Variants in FAM135B observed in about 807,000 individuals in gnomAD.
FAM135B encodes family with sequence similarity 135 member B.
Under a neutral mutation model 127.7 loss-of-function variants are expected in FAM135B, and 43 were observed. That is an observed-to-expected ratio of 0.34 (90% CI 0.26 to 0.43). The LOEUF (loss-of-function observed/expected upper bound fraction) is 0.43. Ranked by LOEUF, FAM135B falls within the 20% of genes least tolerant of loss-of-function variation. The probability of loss-of-function intolerance (pLI) is 1.00; values close to 1 mark genes in which losing one functional copy is unlikely to be tolerated. For synonymous variants in FAM135B, 670 were observed against 665.1 expected (o/e 1.01, Z -0.11); for missense variants, 1,558 against 1,725.6 (o/e 0.90, Z 1.72).
intron 1 of FAM135B, chr8:138,477,409 G>A (rs541028505): frequency 2.6e-5 from 4 of 152,136 alleles, no homozygotes; most frequent in African/African-American, 9.6e-5. Context: ...CCCTACACTG[G>A]GTGAAGAGCT....
At position 138,491,138 on chromosome 8, in the gene FAM135B, C is replaced by T. The variant is rs540029775; in HGVS notation, c.-20+5533G>A. On this transcript the variant is annotated intron_variant, in intron 1 of 19. Coordinates refer to ENST00000395297, the MANE Select transcript of FAM135B (RefSeq NM_015912.4). ...GCCTAGGCAACAAGAGCGAAACTCT[C>T]TCTCAAAAAAAAAAAAAAAAAGAAA... Among the ~76,000 whole-genome samples the T allele has an allele frequency of 1.7e-3, 220 of 129,232 alleles. 2 individuals are homozygous for T. The highest frequency in any genetic ancestry group is 3.2e-3 in the Non-Finnish European group (200 of 63,378). 84.8% of individuals were successfully genotyped at this position (129,232 alleles called of 152,430 possible). A position where few individuals can be genotyped will look rare whatever the true frequency, so the allele number is the denominator to read the frequency against.
At chr8:138,149,868 C>T (rs889265253) in intron 13 of FAM135B, among the ~76,000 whole-genome samples, 6 of 152,126 alleles carry the variant, frequency 3.9e-5, no homozygotes, top group Non-Finnish European at 5.9e-5. Context: ...TCTGTCTCTC[C>T]GTTAGACTGC....
intron 4 of FAM135B, among the ~76,000 whole-genome samples, chr8:138,260,887 T>C (rs1403404319): frequency 2.0e-5 from 3 of 152,054 alleles, no homozygotes; most frequent in Non-Finnish European, 4.4e-5. Context: ...AAAGGAAAAA[T>C]ATGACCTTTG....
chr8:138,225,627 T>A (rs1415683991), intron 7 of FAM135B, among the ~76,000 whole-genome samples: 2 of 151,942 alleles, frequency 1.3e-5, no homozygotes, highest in Admixed American at 6.6e-5. Flanking sequence ...GTCAGACACA[T>A]AGATTAAGGT....
chr8:138,197,631 G>C lies in FAM135B; in HGVS notation c.708C>G (p.His236Gln), dbSNP rs192537076. 1 of 1,614,214 alleles carries C rather than the reference G, an allele frequency of 6.2e-7. No homozygotes were observed. Among genetic ancestry groups the C allele is most frequent in the Non-Finnish European group, 8.5e-7 (1 of 1,180,038 alleles). Residue 236 changes from histidine to glutamine, a missense_variant, in exon 8 of 20, where the codon CAC (histidine) becomes CAG (glutamine). This residue lies in a region of FAM135B where 127 missense variants were observed against 109.7 expected (regional missense o/e 1.16). Coordinates refer to ENST00000395297, the MANE Select transcript of FAM135B (RefSeq NM_015912.4). The stretch of plus-strand genomic sequence containing the variant: ...ACAGGTCTCGGTGCCACTTGTGTGC[G>C]TGCTGCATGCAGTTCTCAGAGGTGA... ...FYITSENCMQ[H>Q]AHKWHRDLCL...
intron 7 of FAM135B, among the ~76,000 whole-genome samples, chr8:138,207,205 C>G (rs971752859): frequency 2.1e-5 from 3 of 140,244 alleles, no homozygotes; most frequent in African/African-American, 8.0e-5. Flanking sequence ...GTGCAGTTGA[C>G]TGAAACAATA....
chr8:138,472,217 A>C (rs1837717074), intron 1 of FAM135B, among the ~76,000 whole-genome samples: 1 of 152,122 alleles, frequency 6.6e-6, no homozygotes, highest in African/African-American at 2.4e-5. Flanking sequence ...AGAAATTTCT[A>C]CAATATGTAT....
At chr8:138,379,615 A>G (rs1831709125) in intron 1 of FAM135B, among the ~76,000 whole-genome samples, 3 of 152,120 alleles carry the variant, frequency 2.0e-5, no homozygotes, top group African/African-American at 7.2e-5. Context: ...CAGGACTCCA[A>G]GCTTGGGGGA....
intron 7 of FAM135B, among the ~76,000 whole-genome samples, chr8:138,236,676 A>AAGAAGT (rs1212387040): frequency 1.3e-5 from 2 of 152,230 alleles, no homozygotes; most frequent in Non-Finnish European, 2.9e-5. Flanking sequence ...CTGTGAATTG[A>AAGAAGT]AGAAGTCCAT....
At chr8:138,327,939 G>T (rs1827919322) in intron 2 of FAM135B, among the ~76,000 whole-genome samples, 1 of 152,080 alleles carries the variant, frequency 6.6e-6, no homozygotes, top group African/African-American at 2.4e-5. Flanking sequence ...CATATTGCAA[G>T]AAATAGCCAA....
intron 9 of FAM135B, among the ~76,000 whole-genome samples, chr8:138,187,862 A>T (rs1326811656): frequency 1.3e-5 from 2 of 152,198 alleles, no homozygotes; most frequent in African/African-American, 4.8e-5. Flanking sequence ...CCCGGCCCCG[A>T]TCTCTGGAGA....
chr8:138,140,674 C>T (rs1817060981), intron 17 of FAM135B, among the ~76,000 whole-genome samples: 1 of 152,010 alleles, frequency 6.6e-6, no homozygotes, highest in Non-Finnish European at 1.5e-5. Context: ...TGCACCTACA[C>T]ACCATATATA....
chr8:138,225,660 G>T (rs73715539), intron 7 of FAM135B, among the ~76,000 whole-genome samples: 1,686 of 152,206 alleles, frequency 0.011, 26 homozygotes, highest in African/African-American at 0.036. Flanking sequence ...ATAAGGCACT[G>T]CTCTTAGGAG....
intron 7 of FAM135B, among the ~76,000 whole-genome samples, chr8:138,205,963 C>T (rs1817520036): frequency 6.7e-6 from 1 of 150,368 alleles, no homozygotes; most frequent in South Asian, 2.1e-4. Flanking sequence ...CACACAGCTC[C>T]AGCAGCACCT....
At chr8:138,263,463 A>G (rs2130609433) in intron 4 of FAM135B, among the ~76,000 whole-genome samples, 1 of 152,340 alleles carries the variant, frequency 6.6e-6, no homozygotes, top group South Asian at 2.1e-4. Context: ...CTCTTGGGGC[A>G]CATAGCAGGT....
intron 16 of FAM135B, 75 bp downstream of exon 16, chr8:138,142,937 T>C (rs1273125909): frequency 3.9e-6 from 3 of 778,134 alleles, no homozygotes; most frequent in Non-Finnish European, 4.6e-6. Context: ...CATCATATTA[T>C]TGCTTTTATA....
chr8:138,181,999 T>C (rs1289176778), intron 9 of FAM135B, among the ~76,000 whole-genome samples: 1 of 152,142 alleles, frequency 6.6e-6, no homozygotes, highest in Non-Finnish European at 1.5e-5. Flanking sequence ...AATAGGTGGC[T>C]CGGTGTCCGT....
intron 1 of FAM135B, among the ~76,000 whole-genome samples, chr8:138,468,139 C>T (rs1401605): frequency 0.47 from 71,285 of 151,686 alleles, 17,785 homozygotes; most frequent in East Asian, 0.84. Context: ...TTCTGGATGA[C>T]TGAAACTTTC....
At chr8:138,483,833 C>T (rs1814882482) in intron 1 of FAM135B, among the ~76,000 whole-genome samples, 1 of 152,096 alleles carries the variant, frequency 6.6e-6, no homozygotes, top group Admixed American at 6.6e-5. Context: ...CCTCTTAAAG[C>T]AGTATATTGA....
Sources: allele counts gnomAD v4.1 joint callset (sites outside exome capture counted in the v4.1 genomes callset), GRCh38; gene constraint gnomAD v4.1.1; regional missense constraint gnomAD v4.1.1; transcripts MANE v1.5; gene names NCBI Gene and HGNC (gene_info 2026-07-23, HGNC 2026-07-21).